Variants in CR2 observed in about 807,000 individuals in gnomAD.
CR2 encodes the protein complement receptor type 2.
In CR2, 96 loss-of-function variants were observed where a neutral mutation model predicts 123.0. That is an observed-to-expected ratio of 0.78 (90% CI 0.66 to 0.93). CR2 has a LOEUF of 0.93. Ranked by LOEUF, CR2 falls within the 40% of genes least tolerant of loss-of-function variation. CR2 has a pLI of 0.00. For missense variants in CR2, 1,258 were observed against 1,361.0 expected (o/e 0.92, Z 1.19); for synonymous variants, 484 against 469.5 (o/e 1.03, Z -0.40).
chr1:207,462,561 G>A (rs1029081998), intron 1 of CR2, among the ~76,000 whole-genome samples: 3 of 152,194 alleles, frequency 2.0e-5, no homozygotes, highest in African/African-American at 7.2e-5. Flanking sequence ...GACCACATTT[G>A]TGTTTTAGAA....
At chr1:207,473,292 C>G (rs1313015820) in intron 10 of CR2, 113 bp downstream of exon 10, 3 of 1,290,252 alleles carry the variant, frequency 2.3e-6, no homozygotes, top group Admixed American at 3.9e-5. Context: ...AGATTACTTT[C>G]TGTTTCTTCC....
chr1:207,472,660 A>T, intron 9 of CR2, 112 bp from the exon 10 acceptor site: 2 of 1,050,808 alleles, frequency 1.9e-6, no homozygotes, highest in Non-Finnish European at 2.9e-6. Flanking sequence ...ATGAAAATGT[A>T]CCCATACCGT....
At chr1:207,455,346 T>C (rs1415934084) in intron 1 of CR2, among the ~76,000 whole-genome samples, 4 of 152,214 alleles carry the variant, frequency 2.6e-5, no homozygotes, top group Non-Finnish European at 2.9e-5. Flanking sequence ...AGTTTCTTCA[T>C]CTGTAAAATG....
At position 207,486,230 on chromosome 1, in the gene CR2, C is replaced by CAAAAAA. The variant is rs1173937738; in HGVS notation, c.*18+679_*18+684dup. 1.3e-3 allele frequency among the ~76,000 whole-genome samples: 56 copies of CAAAAAA among 43,008 alleles called. 5 individuals are homozygous for CAAAAAA. Among genetic ancestry groups the CAAAAAA allele is most frequent in the African/African-American group, 4.5e-3 (54 of 12,098 alleles). 28.2% of individuals were successfully genotyped at this position (43,008 alleles called of 152,430 possible). A position where few individuals can be genotyped will look rare whatever the true frequency, so the allele number is the denominator to read the frequency against. On this transcript the variant is annotated intron_variant, in intron 19 of 19. Transcript: ENST00000367057. Reference sequence around the variant, plus strand: ...TGGACAACAGAGCAAGACTGCATCTCAAAAAAAAAAAAAAAAAAAAAAAAA... The same window carrying CAAAAAA: ...TGGACAACAGAGCAAGACTGCATCTCAAAAAAAAAAAAAAAAAAAAAAAAAAAAAAA...
In CR2 at chr1:207,478,054, G is replaced by A. The variant is rs1658491941; in HGVS notation, c.3072G>A (p.Leu1024=). ...CGGATCACCAATGGAACCCTCCCCT[G>A]GCGGTTTGCAGATCCCGTAAGTACC... is the stretch of plus-strand genomic sequence containing the variant. ...CQSDHQWNPP[L]AVCRSRSLAP... Residue 1024 remains leucine, a synonymous_variant, in exon 16 of 20, where the codon CTG becomes CTA. Coordinates refer to ENST00000367057, the MANE Select transcript of CR2 (RefSeq NM_001006658.3). The A allele has an allele frequency of 4.3e-6, 7 of 1,613,692 alleles. 1 individual carries two copies. The South Asian group carries it at 7.7e-5, about 18-fold the overall frequency.
In CR2 at chr1:207,473,581, A is replaced by T; in HGVS notation, c.2015A>T (p.His672Leu). 3 of 1,613,940 alleles carry T rather than the reference A, an allele frequency of 1.9e-6. No individual in the cohort carries two copies. ...QSPPGLHHGR[H>L]TGGNTVFFVS... Reference sequence around the variant, plus strand: ...CCTCCTGGGCTCCACCATGGTCGTCATACAGGTGGAAATACGGTCTTCTTT... The same window carrying T: ...CCTCCTGGGCTCCACCATGGTCGTCTTACAGGTGGAAATACGGTCTTCTTT... The change falls in exon 11 of 20, where the codon CAT (histidine) becomes CTT (leucine). Residue 672 changes from histidine (H) to leucine (L), a missense_variant. By Grantham distance (99) the His-to-Leu change is moderately conservative (BLOSUM62 -3). Coordinates refer to ENST00000367057, the MANE Select transcript of CR2 (RefSeq NM_001006658.3).
intron 19 of CR2, among the ~76,000 whole-genome samples, chr1:207,486,308 G>T (rs1308059171): frequency 6.7e-6 from 1 of 150,144 alleles, no homozygotes; most frequent in Non-Finnish European, 1.5e-5. Context: ...AACAGTAGGT[G>T]CAAAGGCCAT....
Position 207,466,652 on chromosome 1 carries a change from G to T in CR2, c.185G>T (p.Ser62Ile). Residue 62 changes from serine to isoleucine, a missense_variant, in exon 2 of 20, where the codon AGT (serine) becomes ATT (isoleucine). Physicochemically the swap from Ser to Ile is moderately radical, Grantham distance 142. Coordinates refer to ENST00000367057, the MANE Select transcript of CR2 (RefSeq NM_001006658.3). ...ACCTTCCGCCTCATTGGAGAAAAAAGTCTATTATGCATAACTAAAGACAAA... is the reference window on the plus strand; with the variant it reads ...ACCTTCCGCCTCATTGGAGAAAAAATTCTATTATGCATAACTAAAGACAAA... ...SGTFRLIGEK[S>I]LLCITKDKVD... 2 of 1,614,064 alleles carry T rather than the reference G, an allele frequency of 1.2e-6. No homozygotes were observed. The highest frequency in any genetic ancestry group is 1.7e-6 in the Non-Finnish European group (2 of 1,179,978).
In CR2 at chr1:207,470,797, G is replaced by T. The variant is rs183067414; in HGVS notation, c.1283G>T (p.Arg428Leu). The T allele has an allele frequency of 6.2e-7, 1 of 1,613,836 alleles. No homozygotes were observed. Among genetic ancestry groups the T allele is most frequent in the Non-Finnish European group, 8.5e-7 (1 of 1,179,854 alleles). The change falls in exon 7 of 20, where the codon CGC (arginine) becomes CTC (leucine). Residue 428 changes from arginine to leucine, a missense_variant. Arg to Leu is a moderately radical substitution (Grantham distance 102, BLOSUM62 -2). Transcript: ENST00000367057. ...NGQKEDRHMV[R>L]FDPGTSIKYS... ...CAAAAGGAAGATAGACACATGGTCCGCTTTGACCCTGGAACATCTATAAAA... is the reference window on the plus strand; with the variant it reads ...CAAAAGGAAGATAGACACATGGTCCTCTTTGACCCTGGAACATCTATAAAA...
chr1:207,459,321 G>T (rs537641595), intron 1 of CR2, among the ~76,000 whole-genome samples: 24 of 144,710 alleles, frequency 1.7e-4, no homozygotes, highest in South Asian at 2.2e-4. Context: ...GTTTTTTGTT[G>T]TTTTTTTTTT....
At position 207,464,342 on chromosome 1, in the gene CR2, A is replaced by G. The variant is rs141401509; in HGVS notation, c.59-2184A>G. On this transcript the variant is annotated intron_variant, in intron 1 of 19. Transcript: ENST00000367057. ...GCAAGAATGAAGAGAAAATTCTCAG[A>G]AAGTATAATATTCTCTCTTTCCCCA... 1.8e-3 allele frequency among the ~76,000 whole-genome samples: 270 copies of G among 152,344 alleles called. 1 individual carries two copies. Among genetic ancestry groups the G allele is most frequent in the Non-Finnish European group, 2.3e-3 (158 of 68,044 alleles).
intron 9 of CR2, chr1:207,471,917 C>A: frequency 3.5e-6 from 1 of 286,564 alleles, no homozygotes; most frequent in Non-Finnish European, 6.7e-6. Context: ...GTAAAGTTGG[C>A]ATAAGACTAC....
chr1:207,458,463 T>G (rs1184457773), intron 1 of CR2, among the ~76,000 whole-genome samples: 1 of 152,172 alleles, frequency 6.6e-6, no homozygotes, highest in Non-Finnish European at 1.5e-5. Context: ...AAAAAGCCCT[T>G]CATGATCCCT....
At chr1:207,464,315 T>C (rs901464094) in intron 1 of CR2, among the ~76,000 whole-genome samples, 3 of 152,222 alleles carry the variant, frequency 2.0e-5, no homozygotes, top group African/African-American at 7.2e-5. Flanking sequence ...GCAGTTTGGA[T>C]TGCAAGAATG....
intron 18 of CR2, 90 bp downstream of exon 18, chr1:207,480,143 T>C (rs1221603480): frequency 7.5e-6 from 7 of 934,288 alleles, no homozygotes; most frequent in Admixed American, 6.9e-5. Flanking sequence ...ACAAGTTATG[T>C]GAAATAAATA....
chr1:207,462,143 A>G (rs193057417), intron 1 of CR2, among the ~76,000 whole-genome samples: 80 of 152,282 alleles, frequency 5.3e-4, no homozygotes, highest in Non-Finnish European at 8.1e-4. Context: ...TAAGCTCTAG[A>G]CCAGACAGTG....
chr1:207,480,638 T>C (rs1658578849), intron 18 of CR2, among the ~76,000 whole-genome samples: 1 of 152,178 alleles, frequency 6.6e-6, no homozygotes, highest in Non-Finnish European at 1.5e-5. Flanking sequence ...TTACTAAAGA[T>C]AAGTGCATGA....
Position 207,469,876 on chromosome 1 carries a change from G to A in CR2, c.999G>A (p.Gly333=), listed in dbSNP as rs139665677. ...LRCTVDSQKT[G]TWSGPAPRCE... ...GTACAGTTGATAGTCAGAAGACTGG[G>A]ACCTGGAGTGGCCCTGCCCCACGCT... Residue 333 remains glycine (G), a synonymous_variant, in exon 6 of 20, where the codon GGG becomes GGA. Transcript: ENST00000367057. 1.1e-4 allele frequency: 179 copies of A among 1,613,950 alleles called. 1 individual carries two copies. In the African/African-American group the frequency reaches 2.0e-3, roughly 18 times the overall value.
intron 19 of CR2, among the ~76,000 whole-genome samples, chr1:207,486,651 T>G (rs568170805): frequency 6.6e-6 from 1 of 152,022 alleles, no homozygotes; most frequent in Non-Finnish European, 1.5e-5. Flanking sequence ...AGGCAAGAAA[T>G]TGTCAGTGGC....
Sources: allele counts gnomAD v4.1 joint callset (sites outside exome capture counted in the v4.1 genomes callset), GRCh38; gene constraint gnomAD v4.1.1; transcripts MANE v1.5; gene names NCBI Gene and HGNC (gene_info 2026-07-23, HGNC 2026-07-21).